The following THUMPD2 variants were observed in gnomAD, a reference collection of about 807,000 sequenced individuals.
THUMPD2 encodes the protein THUMP domain 2 tRNA and snRNA guanosine methyltransferase.
A neutral mutation model predicts 49.4 loss-of-function variants in THUMPD2; 56 were observed. That is an observed-to-expected ratio of 1.13 (90% CI 0.91 to 1.41). The LOEUF is 1.41. Ranked by LOEUF, THUMPD2 falls within the 40% of genes most tolerant of loss-of-function variation. THUMPD2 has a pLI of 0.00. For synonymous variants in THUMPD2, 237 were observed against 205.2 expected (o/e 1.15, Z -1.32); for missense variants, 709 against 594.5 (o/e 1.19, Z -2.00).
chr2:39,737,038 G>C lies in THUMPD2; in HGVS notation c.1209C>G (p.Thr403=), dbSNP rs1471515184. 1 of 1,608,506 alleles carries C rather than the reference G, an allele frequency of 6.2e-7. No individual in the cohort carries two copies. Among genetic ancestry groups the C allele is most frequent in the Non-Finnish European group, 8.5e-7 (1 of 1,176,004 alleles). The change falls in exon 10 of 10, where the codon ACC becomes ACG. Residue 403 remains threonine (T), a synonymous_variant. Transcript: ENST00000505747. ...EMERVLHVGG[T]IVLLLSEDHH... ...GATCTTCACTAAGCAACAATACAATGGTTCCGCCAACATGAAGCACTCTGT... is the reference window on the plus strand; with the variant it reads ...GATCTTCACTAAGCAACAATACAATCGTTCCGCCAACATGAAGCACTCTGT...
At chr2:39,765,911 TTTA>T (rs1355000327) in intron 5 of THUMPD2, 143 bp downstream of exon 5, 2 of 682,534 alleles carry the variant, frequency 2.9e-6, no homozygotes, top group African/African-American at 3.8e-5. Context: ...GTGAAAATAC[TTTA>T]TTGTCTTAAG....
rs116640241 is a variant in THUMPD2, at chr2:39,779,054, G to A, written c.126+60C>T. ...GCTTTCCCGCGTCCACGACTGGGGT[G>A]GGCAACAGGGCAGGGACAGGGCCGC... On this transcript the variant is annotated intron_variant, in intron 1 of 9. Coordinates refer to ENST00000505747, the MANE Select transcript of THUMPD2 (RefSeq NM_025264.5). The A allele has an allele frequency of 2.5e-3, 3,508 of 1,397,176 alleles. 86 individuals are homozygous for A. In the African/African-American group the frequency reaches 0.048, roughly 19 times the overall value. The allele number at this position is 1,397,176 out of a possible 1,614,324, so 86.5% of individuals were successfully genotyped here. A position where few individuals can be genotyped will look rare whatever the true frequency, so the allele number is the denominator to read the frequency against.
intron 1 of THUMPD2, among the ~76,000 whole-genome samples, chr2:39,774,759 T>C (rs1333457421): frequency 6.6e-6 from 1 of 152,176 alleles, no homozygotes; most frequent in Non-Finnish European, 1.5e-5. Context: ...GAATATTTCA[T>C]TCTCATGTTT....
chr2:39,779,272 C>A (rs1300450489), upstream of THUMPD2: 1 of 1,428,082 alleles, frequency 7.0e-7, no homozygotes, highest in South Asian at 1.4e-5. Context: ...GCCTTCGGGT[C>A]ACGTGGCCTC....
At chr2:39,774,530 T>C (rs530305674) in intron 1 of THUMPD2, among the ~76,000 whole-genome samples, 2 of 152,168 alleles carry the variant, frequency 1.3e-5, no homozygotes, top group African/African-American at 2.4e-5. Flanking sequence ...GTTTAATAGA[T>C]TGTAAAATAG....
chr2:39,775,461 T>C (rs1678947713), intron 1 of THUMPD2, among the ~76,000 whole-genome samples: 1 of 152,044 alleles, frequency 6.6e-6, no homozygotes, highest in Admixed American at 6.6e-5. Context: ...AAAAATATGT[T>C]TCACTTAATT....
At chr2:39,776,647 TC>T (rs1278028847) in intron 1 of THUMPD2, among the ~76,000 whole-genome samples, 4 of 152,142 alleles carry the variant, frequency 2.6e-5, no homozygotes, top group African/African-American at 9.7e-5. Flanking sequence ...CGGCTTGGCC[TC>T]CCAAAGTGCT....
At chr2:39,758,021 G>A (rs1218394224) in intron 6 of THUMPD2, among the ~76,000 whole-genome samples, 1 of 152,124 alleles carries the variant, frequency 6.6e-6, no homozygotes, top group Non-Finnish European at 1.5e-5. Context: ...CATTTGGAGA[G>A]ACATTTCTTA....
intron 5 of THUMPD2, among the ~76,000 whole-genome samples, chr2:39,762,573 G>A (rs1676956210): frequency 6.6e-6 from 1 of 151,758 alleles, no homozygotes; most frequent in Admixed American, 6.6e-5. Context: ...AATTCACATT[G>A]TAAACAGTAC....
At chr2:39,767,176 A>G (rs1677634249) in intron 4 of THUMPD2, among the ~76,000 whole-genome samples, 1 of 152,196 alleles carries the variant, frequency 6.6e-6, no homozygotes, top group South Asian at 2.1e-4. Context: ...AGCTATTATT[A>G]ATTGCATTAA....
chr2:39,760,478 C>T lies in THUMPD2; in HGVS notation c.891+853G>A, dbSNP rs7580490. ...TTAGCAAGTAACTTGGTCAAACTAG[C>T]GAAAATAAGAGAAGGAAACAAAGTG... On this transcript the variant is annotated intron_variant, in intron 6 of 9. Transcript: ENST00000505747. Among the ~76,000 whole-genome samples, 650 of 151,566 alleles carry T rather than the reference C, an allele frequency of 4.3e-3. 5 individuals are homozygous for T. Among genetic ancestry groups the T allele is most frequent in the African/African-American group, 0.015 (599 of 41,282 alleles).
In THUMPD2 at chr2:39,768,476, G is replaced by C; in HGVS notation, c.698C>G (p.Ala233Gly). The change falls in exon 4 of 10, where the codon GCT (alanine) becomes GGT (glycine). Residue 233 changes from alanine to glycine, a missense_variant. Physicochemically the swap from Ala to Gly is moderately conservative, Grantham distance 60. Coordinates refer to ENST00000505747, the MANE Select transcript of THUMPD2 (RefSeq NM_025264.5). Reference sequence around the variant, plus strand: ...TTTCCATCCAAAGTGTTTCATAATAGCAATTCCAATTACTTTTCCTACCTC... The same window carrying C: ...TTTCCATCCAAAGTGTTTCATAATACCAATTCCAATTACTTTTCCTACCTC... ...AQEVGKVIGI[A>G]IMKHFGWKAD... 1 of 1,612,614 alleles carries C rather than the reference G, an allele frequency of 6.2e-7. No homozygotes were observed. The highest frequency in any genetic ancestry group is 1.1e-5 in the South Asian group (1 of 90,816).
chr2:39,738,629 T>G (rs1572724676), intron 9 of THUMPD2, among the ~76,000 whole-genome samples: 1 of 86,344 alleles, frequency 1.2e-5, no homozygotes, highest in East Asian at 6.2e-4. Context: ...TATTATATAT[T>G]TACATATAAA....
intron 6 of THUMPD2, chr2:39,757,241 A>AACGT (rs1232243263): frequency 2.0e-6 from 1 of 503,522 alleles, no homozygotes; most frequent in Non-Finnish European, 3.7e-6. Context: ...AGCAAGCAGG[A>AACGT]ACGTACCCCA....
At chr2:39,758,096 T>A (rs981632529) in intron 6 of THUMPD2, among the ~76,000 whole-genome samples, 1 of 152,246 alleles carries the variant, frequency 6.6e-6, no homozygotes, top group African/African-American at 2.4e-5. Context: ...TCTTTGTATA[T>A]TTTTGATCAT....
chr2:39,758,799 A>C (rs577035126), intron 6 of THUMPD2, among the ~76,000 whole-genome samples: 1 of 152,144 alleles, frequency 6.6e-6, no homozygotes, highest in African/African-American at 2.4e-5. Flanking sequence ...AAAAAAAAAA[A>C]AGGAGGAGGT....
At chr2:39,751,362 C>T (rs1279270642) in intron 8 of THUMPD2, among the ~76,000 whole-genome samples, 1 of 152,222 alleles carries the variant, frequency 6.6e-6, no homozygotes, top group Non-Finnish European at 1.5e-5. Flanking sequence ...CAACTGTTGC[C>T]AATAATCTTG....
chr2:39,755,187 T>C (rs964380748), intron 8 of THUMPD2, 108 bp downstream of exon 8: 3 of 655,374 alleles, frequency 4.6e-6, no homozygotes, highest in Non-Finnish European at 7.5e-6. Context: ...CACAGATATA[T>C]TAAAGGGTAA....
At chr2:39,749,669 T>C (rs1038718467) in intron 8 of THUMPD2, among the ~76,000 whole-genome samples, 1 of 152,174 alleles carries the variant, frequency 6.6e-6, no homozygotes, top group African/African-American at 2.4e-5. Context: ...ATAATGTGTG[T>C]ACCGTGGTGG....
Sources: allele counts gnomAD v4.1 joint callset (sites outside exome capture counted in the v4.1 genomes callset), GRCh38; gene constraint gnomAD v4.1.1; transcripts MANE v1.5; gene names NCBI Gene and HGNC (gene_info 2026-07-23, HGNC 2026-07-21).